SERPINB6: variants seen among roughly 807,000 people sequenced by gnomAD.
SERPINB6 encodes the protein serpin B6.
SERPINB6 carries 16 observed loss-of-function variants against 26.1 expected under a neutral mutation model. The observed-to-expected ratio is 0.61, with a 90% CI of 0.42 to 0.93. The LOEUF (loss-of-function observed/expected upper bound fraction) is 0.93, where lower values mean the gene tolerates loss of function less well. SERPINB6 is among the 40% of genes least tolerant of loss of function. The probability of loss-of-function intolerance (pLI) is 0.00; values close to 1 mark genes in which losing one functional copy is unlikely to be tolerated. For synonymous variants in SERPINB6, 174 were observed against 176.6 expected (o/e 0.99, Z 0.11); for missense variants, 420 against 478.0 (o/e 0.88, Z 1.13).
At chr6:2,964,603 G>A (rs1370513904) in intron 1 of SERPINB6, among the ~76,000 whole-genome samples, 1 of 152,054 alleles carries the variant, frequency 6.6e-6, no homozygotes, top group East Asian at 1.9e-4. Flanking sequence ...TATGGAGGGG[G>A]TTGGTTAACT....
chr6:2,963,150 T>A (rs1485603117), intron 1 of SERPINB6, among the ~76,000 whole-genome samples: 1 of 152,008 alleles, frequency 6.6e-6, no homozygotes, highest in Non-Finnish European at 1.5e-5. Flanking sequence ...ACTGGGCTAC[T>A]AAAAAAATAG....
In SERPINB6 at chr6:2,959,228, G is replaced by A; in HGVS notation, c.105C>T (p.Ser35=). ...CCATGTAGACCATGGCCAGGGCACA[G>A]GACATGCTCATGGGTGAGAAAAACA... is the stretch of plus-strand genomic sequence containing the variant. ...KNVFFSPMSM[S]CALAMVYMGA... is the part of the protein sequence containing the mutation. Residue 35 remains serine, a synonymous_variant, in exon 2 of 7, where the codon TCC becomes TCT. Coordinates refer to ENST00000380539, the MANE Select transcript of SERPINB6 (RefSeq NM_004568.6). The A allele has an allele frequency of 6.2e-7, 1 of 1,614,194 alleles. No homozygotes were observed.
intron 1 of SERPINB6, chr6:2,966,421 C>A: frequency 2.0e-6 from 2 of 986,786 alleles, no homozygotes; most frequent in Non-Finnish European, 2.4e-6. Context: ...GAGTCCCCAG[C>A]AGATCCGTCT....
At chr6:2,962,798 A>T (rs1771259503) in intron 1 of SERPINB6, among the ~76,000 whole-genome samples, 1 of 152,168 alleles carries the variant, frequency 6.6e-6, no homozygotes, top group South Asian at 2.1e-4. Flanking sequence ...TGAATATCCT[A>T]CTCCTGATAA....
Position 2,948,782 on chromosome 6 carries a change from C to A in SERPINB6, c.730-83G>T. 1.3e-6 allele frequency: 2 copies of A among 1,560,264 alleles called. No individual in the cohort carries two copies. The highest frequency in any genetic ancestry group is 1.8e-6 in the Non-Finnish European group (2 of 1,133,064). The stretch of plus-strand genomic sequence containing the variant: ...TGTGCTATGCTGTGGATGCCAGACA[C>A]CAGTGGCAGCGTGGCTATGGTCAGC... On this transcript the variant is annotated intron_variant, in intron 6 of 6. Transcript: ENST00000380539. This position sits in a 1 kb window ranked among gnomAD's most constrained non-coding sequence, Gnocchi z 5.0.
intron 3 of SERPINB6, 91 bp downstream of exon 3, chr6:2,955,433 G>A: frequency 6.9e-7 from 1 of 1,440,434 alleles, no homozygotes; most frequent in East Asian, 2.3e-5. Flanking sequence ...TGGCATAATG[G>A]CATTTAGAGC....
At position 2,953,030 on chromosome 6, in the gene SERPINB6, G is replaced by A. The variant is rs1769993018; in HGVS notation, c.573+14C>T. 1 of 1,613,966 alleles carries A rather than the reference G, an allele frequency of 6.2e-7. No individual in the cohort carries two copies. The highest frequency in any genetic ancestry group is 8.5e-7 in the Non-Finnish European group (1 of 1,180,042). The stretch of plus-strand genomic sequence containing the variant: ...TGAACACAGGCGCTGCTCCTGTCAC[G>A]GCCCCTTACTCGCCTTGCTGACTTT... On this transcript the variant is annotated intron_variant, in intron 5 of 6. Transcript: ENST00000380539.
Position 2,953,211 on chromosome 6 carries a change from A to G in SERPINB6, c.431-25T>C, listed in dbSNP as rs3818276. On this transcript the variant is annotated intron_variant, in intron 4 of 6. Coordinates refer to ENST00000380539, the MANE Select transcript of SERPINB6 (RefSeq NM_004568.6). ...CCTGAGCGGAAGAATTCAAGACCGC[A>G]TTAGATAGGGGCGGCTGCGGATCCC... 1,356,212 of 1,613,886 alleles carry G rather than the reference A, an allele frequency of 0.84. 571,130 individuals carry two copies. The highest frequency in any genetic ancestry group is 0.96 in the East Asian group (42,974 of 44,874).
rs1771761467 is a variant in SERPINB6, at chr6:2,967,738, A to T, written c.-11+3795T>A. 1 of 152,202 alleles carries T rather than the reference A, an allele frequency of 6.6e-6. No homozygotes were observed. Among genetic ancestry groups the T allele is most frequent in the Non-Finnish European group, 1.5e-5 (1 of 68,032 alleles). 9.4% of individuals were successfully genotyped at this position (152,202 alleles called of 1,614,324 possible). On this transcript the variant is annotated intron_variant, in intron 1 of 6. Transcript: ENST00000380539. This position sits in a 1 kb window ranked among gnomAD's most constrained non-coding sequence, Gnocchi z 4.3. The stretch of plus-strand genomic sequence containing the variant: ...TTAGAGAAATGCAAATCAAAACCAC[A>T]ATGAGATACCATCTCACGCCAGTCA...
At position 2,948,341 on chromosome 6, in the gene SERPINB6, T is replaced by A. The variant is rs1769340304; in HGVS notation, c.1088A>T (p.Lys363Met). The change falls in exon 7 of 7, where the codon AAG (lysine) becomes ATG (methionine). Residue 363 changes from lysine (K) to methionine (M), a missense_variant. Physicochemically the swap from Lys to Met is moderately conservative, Grantham distance 95. Transcript: ENST00000380539. The surrounding 1 kb of genome is among the most constrained non-coding windows in gnomAD (Gnocchi z 5.0). ...HPFLFFIQHS[K>M]TNGILFCGRF... ...GCCGCAGAAGAGAATCCCGTTGGTCTTGCTGTGCTGGATGAAGAAAAGGAA... is the reference window on the plus strand; with the variant it reads ...GCCGCAGAAGAGAATCCCGTTGGTCATGCTGTGCTGGATGAAGAAAAGGAA... 6.2e-7 allele frequency: 1 copy of A among 1,613,950 alleles called. No homozygotes were observed. The highest frequency in any genetic ancestry group is 1.3e-5 in the African/African-American group (1 of 74,906).
chr6:2,965,832 C>T (rs1771570458), intron 1 of SERPINB6, among the ~76,000 whole-genome samples: 1 of 152,150 alleles, frequency 6.6e-6, no homozygotes, highest in Admixed American at 6.5e-5. Flanking sequence ...AAGGGATCAT[C>T]CCTTTCTGTA....
At position 2,948,224 on chromosome 6, in the gene SERPINB6, C is replaced by CTTGGG; in HGVS notation, c.*69_*73dup. The CTTGGG allele has an allele frequency of 1.3e-6, 2 of 1,585,686 alleles. No homozygotes were observed. Among genetic ancestry groups the CTTGGG allele is most frequent in the Non-Finnish European group, 1.7e-6 (2 of 1,156,204 alleles). The stretch of plus-strand genomic sequence containing the variant: ...TGCCACCACTGCACGGATAAGGCCA[C>CTTGGG]TTGGGTTGCAGGCACACTGTGGAGT... On this transcript the variant is annotated 3_prime_UTR_variant, in exon 7 of 7. Coordinates refer to ENST00000380539, the MANE Select transcript of SERPINB6 (RefSeq NM_004568.6). The surrounding 1 kb of genome is among the most constrained non-coding windows in gnomAD (Gnocchi z 5.0).
intron 2 of SERPINB6, chr6:2,955,992 C>G: frequency 3.4e-6 from 1 of 294,210 alleles, no homozygotes. Context: ...AAGAGAATCG[C>G]TTGAACCCGG....
chr6:2,948,273 G>C lies in SERPINB6; in HGVS notation c.*25C>G, dbSNP rs751259549. The C allele has an allele frequency of 3.1e-6, 5 of 1,612,312 alleles. No homozygotes were observed. The African/African-American group carries it at 6.7e-5, about 22-fold the overall frequency. On this transcript the variant is annotated 3_prime_UTR_variant, in exon 7 of 7. Coordinates refer to ENST00000380539, the MANE Select transcript of SERPINB6 (RefSeq NM_004568.6). The surrounding 1 kb of genome is among the most constrained non-coding windows in gnomAD (Gnocchi z 5.0). ...GTGTCAGGGGACAGAGAGGAGAGGGGCTGCACACCAAGACTGCCCTGTCCT... is the reference window on the plus strand; with the variant it reads ...GTGTCAGGGGACAGAGAGGAGAGGGCCTGCACACCAAGACTGCCCTGTCCT...
chr6:2,958,656 T>C (rs1235951550), intron 2 of SERPINB6, among the ~76,000 whole-genome samples: 2 of 152,126 alleles, frequency 1.3e-5, no homozygotes, highest in Non-Finnish European at 2.9e-5. Flanking sequence ...CAGTGCCAAG[T>C]GGTGCAGAAG....
intron 1 of SERPINB6, chr6:2,970,907 T>A: frequency 8.1e-7 from 1 of 1,229,940 alleles, no homozygotes; most frequent in Non-Finnish European, 1.0e-6. Context: ...CTGGGCGACC[T>A]GAAAGTGCTG....
At chr6:2,961,490 C>T (rs1420788130) in intron 1 of SERPINB6, among the ~76,000 whole-genome samples, 1 of 152,124 alleles carries the variant, frequency 6.6e-6, no homozygotes, top group Non-Finnish European at 1.5e-5. Context: ...ATTTTTGGTT[C>T]TTTGGATTCT....
intron 1 of SERPINB6, chr6:2,969,626 T>C (rs1771946160): frequency 1.0e-6 from 1 of 985,296 alleles, no homozygotes. Flanking sequence ...TCTTAATTTT[T>C]TTTTAGGTGT....
chr6:2,955,331 C>T (rs1375256625), intron 3 of SERPINB6, 193 bp downstream of exon 3: 1 of 638,936 alleles, frequency 1.6e-6, no homozygotes, highest in African/African-American at 1.8e-5. Context: ...GCTGACAAGA[C>T]ACTTCAAAAG....
Sources: gnomAD v4.1 joint callset for allele counts (sites outside exome capture counted in the v4.1 genomes callset) on GRCh38, gnomAD v4.1.1 for gene constraint, Gnocchi (gnomAD v3.1) non-coding constraint, MANE v1.5 for transcripts, NCBI Gene and HGNC (gene_info 2026-07-23, HGNC 2026-07-21) for gene names.